Variants in TENM2 observed in about 807,000 individuals in gnomAD.
TENM2 encodes the protein teneurin-2.
A neutral mutation model predicts 245.2 loss-of-function variants in TENM2; 52 were observed. The ratio of observed to expected loss-of-function variants is 0.21; its 90% CI spans 0.17 to 0.27. The LOEUF (loss-of-function observed/expected upper bound fraction) is 0.27. TENM2 is among the 10% of genes least tolerant of loss of function. The pLI is 1.00. For missense variants in TENM2, 3,046 were observed against 3,666.8 expected (o/e 0.83, Z 4.37); for synonymous variants, 1,363 against 1,438.9 (o/e 0.95, Z 1.19).
chr5:168,260,531 G>A, intron 28 of TENM2, 118 bp downstream of exon 30: 3 of 1,193,254 alleles, frequency 2.5e-6, no homozygotes, highest in East Asian at 2.4e-5. Flanking sequence ...GGGTATAAAA[G>A]GTGCAGGACA....
chr5:167,367,335 A>G (rs144779842), intron 1 of TENM2, among the ~76,000 whole-genome samples: 2,441 of 152,300 alleles, frequency 0.016, 137 homozygotes, highest in Admixed American at 0.12. Context: ...CTTAGGTGTC[A>G]TATATTAAAA....
At chr5:167,987,352 A>C (rs1463781811) in intron 4 of TENM2, among the ~76,000 whole-genome samples, 4 of 146,620 alleles carry the variant, frequency 2.7e-5, no homozygotes, top group African/African-American at 1.0e-4. Flanking sequence ...TTTTAGTTGG[A>C]GTTTCCTTCT....
At chr5:167,354,993 A>G (rs543819739) in intron 1 of TENM2, among the ~76,000 whole-genome samples, 2 of 152,250 alleles carry the variant, frequency 1.3e-5, no homozygotes, top group South Asian at 2.1e-4. Context: ...ACCCCTGCCA[A>G]TGTAGGTGGG....
chr5:167,672,884 A>C (rs1401622783), intron 2 of TENM2, among the ~76,000 whole-genome samples: 2 of 145,628 alleles, frequency 1.4e-5, no homozygotes, highest in African/African-American at 2.6e-5. Flanking sequence ...AATTAGTTCT[A>C]CTCTTCTACC....
chr5:168,115,407 A>AT (rs1794999020), intron 9 of TENM2, among the ~76,000 whole-genome samples: 1 of 98,922 alleles, frequency 1.0e-5, no homozygotes, highest in African/African-American at 4.1e-5. Context: ...GAAGGAAGGA[A>AT]GGGAAAGGAA....
chr5:167,224,154 T>G, the TENM2 span, among the ~76,000 whole-genome samples: 2 of 152,162 alleles, frequency 1.3e-5, no homozygotes, highest in Non-Finnish European at 2.9e-5. Context: ...CTCTTCACTC[T>G]GTTGATTGTT....
At chr5:167,483,455 C>T (rs901192326) in intron 2 of TENM2, among the ~76,000 whole-genome samples, 1 of 151,744 alleles carries the variant, frequency 6.6e-6, no homozygotes, top group Non-Finnish European at 1.5e-5. Flanking sequence ...CATAAAAGAG[C>T]AAAAAAAGAG....
chr5:167,697,077 C>T (rs188777301), intron 2 of TENM2, among the ~76,000 whole-genome samples: 3 of 152,324 alleles, frequency 2.0e-5, no homozygotes, highest in Non-Finnish European at 4.4e-5. Context: ...CTCACACTTG[C>T]CTGGTTCTTG....
chr5:167,446,247 T>C (rs138425315), intron 2 of TENM2, among the ~76,000 whole-genome samples: 1 of 152,204 alleles, frequency 6.6e-6, no homozygotes, highest in Non-Finnish European at 1.5e-5. Flanking sequence ...ACTGAAAGAC[T>C]GTCTCTCTCA....
intron 1 of TENM2, among the ~76,000 whole-genome samples, chr5:167,309,321 C>T (rs537987282): frequency 3.3e-5 from 5 of 152,220 alleles, no homozygotes; most frequent in South Asian, 2.1e-4. Flanking sequence ...GATGCAAAAG[C>T]GATATGCATT....
chr5:167,734,348 A>C (rs1213269655), intron 2 of TENM2, among the ~76,000 whole-genome samples: 1 of 152,022 alleles, frequency 6.6e-6, no homozygotes, highest in African/African-American at 2.4e-5. Context: ...AAAAAATAAT[A>C]TGAGAAATAT....
At chr5:167,449,841 C>T (rs2127473003) in intron 2 of TENM2, among the ~76,000 whole-genome samples, 1 of 152,206 alleles carries the variant, frequency 6.6e-6, no homozygotes, top group African/African-American at 2.4e-5. Context: ...ACCTTTAATC[C>T]CAGCTACTCA....
At chr5:167,498,769 A>C (rs1170993580) in intron 2 of TENM2, among the ~76,000 whole-genome samples, 1 of 152,154 alleles carries the variant, frequency 6.6e-6, no homozygotes, top group African/African-American at 2.4e-5. Flanking sequence ...CTTATTTTTA[A>C]AATTTTATTT....
At chr5:167,138,907 G>A in the TENM2 span, among the ~76,000 whole-genome samples, 1 of 152,222 alleles carries the variant, frequency 6.6e-6, no homozygotes, top group Non-Finnish European at 1.5e-5. Context: ...ACAGGCATGA[G>A]TCACAGCGCC....
the TENM2 span, among the ~76,000 whole-genome samples, chr5:167,245,724 G>C: frequency 1.3e-5 from 2 of 152,092 alleles, no homozygotes; most frequent in South Asian, 4.1e-4. Context: ...TCCTGGCAGG[G>C]AAAGTATTCT....
At chr5:167,006,258 A>T in the TENM2 span, among the ~76,000 whole-genome samples, 1 of 152,184 alleles carries the variant, frequency 6.6e-6, no homozygotes, top group Admixed American at 6.5e-5. Flanking sequence ...TTTTTAGGGA[A>T]TTCGATTTGG....
chr5:167,558,964 A>G (rs1187344924), intron 2 of TENM2, among the ~76,000 whole-genome samples: 2 of 152,140 alleles, frequency 1.3e-5, no homozygotes, highest in Non-Finnish European at 2.9e-5. Context: ...TGATTCATGA[A>G]TGGGGAACAC....
Position 167,974,027 on chromosome 5 carries a change from GGAAGGAAGGAGAAGGAA to G in TENM2, c.948-18915_948-18899del, listed in dbSNP as rs1233355389. 6.3e-4 allele frequency among the ~76,000 whole-genome samples: 47 copies of G among 74,840 alleles called. 2 individuals are homozygous for G. Among genetic ancestry groups the G allele is most frequent in the African/African-American group, 2.7e-3 (31 of 11,352 alleles). The allele number at this position is 74,840 out of a possible 152,430, so 49.1% of individuals were successfully genotyped here. A position where few individuals can be genotyped will look rare whatever the true frequency, so the allele number is the denominator to read the frequency against. On this transcript the variant is annotated intron_variant, in intron 4 of 28. Coordinates refer to ENST00000518659, the Ensembl canonical transcript of TENM2. The stretch of plus-strand genomic sequence containing the variant: ...AGGGAGGGAGGGAGGGAGGGAGGAA[GGAAGGAAGGAGAAGGAA>G]GGAAGGGAGGAAAGGAGGGAGGGAG...
chr5:167,208,817 A>G, the TENM2 span, among the ~76,000 whole-genome samples: 2 of 152,352 alleles, frequency 1.3e-5, no homozygotes, highest in East Asian at 1.9e-4. Context: ...CTAAAATGAC[A>G]TCAGACCATG....
Sources: gnomAD v4.1 joint callset for allele counts (sites outside exome capture counted in the v4.1 genomes callset) on GRCh38, gnomAD v4.1.1 for gene constraint, MANE v1.5 for transcripts, NCBI Gene and HGNC (gene_info 2026-07-23, HGNC 2026-07-21) for gene names.